RBFOX1: variants seen among roughly 807,000 people sequenced by gnomAD.
The protein encoded by RBFOX1 is RNA binding protein fox-1 homolog 1.
In RBFOX1, 8 loss-of-function variants were observed where a neutral mutation model predicts 57.7. The observed-to-expected ratio is 0.14, with a 90% CI of 0.08 to 0.25. The LOEUF (loss-of-function observed/expected upper bound fraction) is 0.25. RBFOX1 is among the 10% of genes least tolerant of loss of function. The pLI is 1.00. For missense variants in RBFOX1, 611 were observed against 548.5 expected, an observed-to-expected ratio of 1.11 and a Z score of -1.14; for synonymous variants, 326 against 222.4, an observed-to-expected ratio of 1.47 and a Z score of -4.15.
chr16:7,175,674 G>A (rs755796782), intron 4 of RBFOX1, among the ~76,000 whole-genome samples: 1 of 152,202 alleles, frequency 6.6e-6, no homozygotes, highest in Non-Finnish European at 1.5e-5. Context: ...TGAAAGCCAC[G>A]TGTTACCCTG....
intron 3 of RBFOX1, among the ~76,000 whole-genome samples, chr16:6,940,457 G>A (rs997143140): frequency 2.0e-5 from 3 of 152,308 alleles, no homozygotes; most frequent in African/African-American, 4.8e-5. Flanking sequence ...AAAAACTGAC[G>A]AGTGAGTGAT....
At chr16:5,481,807 TTGTAGATGATCTGCCTTCTGACCG>T (rs1166822432) in intron 2 of RBFOX1, among the ~76,000 whole-genome samples, 2 of 152,178 alleles carry the variant, frequency 1.3e-5, no homozygotes, top group African/African-American at 4.8e-5. Context: ...TCTCTGTGGC[TTGTAGATGATCTGCCTTCTGACCG>T]TGTCTCCACA....
At chr16:5,263,018 T>G (rs1159868401) in intron 1 of RBFOX1, among the ~76,000 whole-genome samples, 1 of 151,554 alleles carries the variant, frequency 6.6e-6, no homozygotes. Flanking sequence ...GGGAGATCAT[T>G]ACAAATCTTT....
At chr16:7,067,308 C>A (rs1316852243) in intron 4 of RBFOX1, among the ~76,000 whole-genome samples, 1 of 151,576 alleles carries the variant, frequency 6.6e-6, no homozygotes, top group African/African-American at 2.4e-5. Flanking sequence ...CAAATTACCA[C>A]AAAAAAAATA....
intron 3 of RBFOX1, among the ~76,000 whole-genome samples, chr16:6,760,176 G>C (rs2076405436): frequency 1.3e-5 from 2 of 152,212 alleles, no homozygotes; most frequent in Admixed American, 6.5e-5. Flanking sequence ...GCATCGCTAT[G>C]TTTGACTCCT....
At chr16:7,704,844 A>G (rs1468593763) in intron 14 of RBFOX1, among the ~76,000 whole-genome samples, 2 of 151,956 alleles carry the variant, frequency 1.3e-5, no homozygotes, top group Non-Finnish European at 2.9e-5. Flanking sequence ...TGAGGTTATG[A>G]GTTTGAGACC....
At chr16:5,851,860 C>T (rs1486151978) in intron 3 of RBFOX1, among the ~76,000 whole-genome samples, 2 of 152,122 alleles carry the variant, frequency 1.3e-5, no homozygotes, top group African/African-American at 2.4e-5. Context: ...AAAGGAAGGA[C>T]GATGTCTTGG....
At chr16:7,232,669 C>A (rs1035091846) in intron 4 of RBFOX1, among the ~76,000 whole-genome samples, 1 of 151,940 alleles carries the variant, frequency 6.6e-6, no homozygotes, top group East Asian at 1.9e-4. Context: ...TGGAGAAACC[C>A]TGTCTCTACT....
intron 4 of RBFOX1, among the ~76,000 whole-genome samples, chr16:7,441,406 A>G (rs940822822): frequency 1.3e-5 from 2 of 152,176 alleles, no homozygotes; most frequent in African/African-American, 4.8e-5. Flanking sequence ...GCTCTGAGAG[A>G]TGATGTTGCC....
At chr16:6,152,300 C>T (rs201921354) in intron 1 of RBFOX1, among the ~76,000 whole-genome samples, 1 of 152,254 alleles carries the variant, frequency 6.6e-6, no homozygotes, top group East Asian at 1.9e-4. Flanking sequence ...ATTCCTCCCA[C>T]CCCCTCATCT....
intron 4 of RBFOX1, among the ~76,000 whole-genome samples, chr16:7,460,393 G>A (rs56274507): frequency 0.45 from 28,335 of 63,072 alleles, 5,644 homozygotes; most frequent in Non-Finnish European, 0.54. Context: ...ATATATATGT[G>A]TGTGTGTGTG....
chr16:6,302,717 C>T (rs1359685922), intron 1 of RBFOX1, among the ~76,000 whole-genome samples: 4 of 152,170 alleles, frequency 2.6e-5, no homozygotes, highest in Admixed American at 2.6e-4. Flanking sequence ...TAATCTCTTT[C>T]TTGTGCAAAC....
chr16:6,004,242 C>G (rs2060653871), intron 4 of RBFOX1, among the ~76,000 whole-genome samples: 1 of 152,148 alleles, frequency 6.6e-6, no homozygotes, highest in Non-Finnish European at 1.5e-5. Flanking sequence ...TGCTCTACAG[C>G]CTGACTACCT....
intron 2 of RBFOX1, among the ~76,000 whole-genome samples, chr16:6,450,099 G>A (rs921566469): frequency 5.3e-5 from 8 of 152,186 alleles, no homozygotes; most frequent in Non-Finnish European, 8.8e-5. Flanking sequence ...TGAGGAGGTG[G>A]TGGGGATATG....
At chr16:6,865,083 A>G (rs1448103368) in intron 3 of RBFOX1, among the ~76,000 whole-genome samples, 1 of 138,054 alleles carries the variant, frequency 7.2e-6, no homozygotes, top group Non-Finnish European at 1.5e-5. Flanking sequence ...GCTCACTGCA[A>G]CCTCCGCCTC....
chr16:5,435,521 G>A (rs1302407078), intron 1 of RBFOX1, among the ~76,000 whole-genome samples: 1 of 152,218 alleles, frequency 6.6e-6, no homozygotes, highest in East Asian at 1.9e-4. Context: ...ATGGGTCAGT[G>A]TCTTCAGTAA....
intron 10 of RBFOX1, among the ~76,000 whole-genome samples, chr16:7,621,571 A>G (rs2059326907): frequency 6.6e-6 from 1 of 152,134 alleles, no homozygotes; most frequent in Admixed American, 6.5e-5. Flanking sequence ...TAATTGTTTT[A>G]TTGTTTTGAA....
intron 3 of RBFOX1, among the ~76,000 whole-genome samples, chr16:5,741,949 G>T (rs1462133740): frequency 6.6e-6 from 1 of 152,204 alleles, no homozygotes; most frequent in African/African-American, 2.4e-5. Flanking sequence ...CGGGAATCAT[G>T]ATAATGCTAT....
At chr16:6,540,913 C>T (rs915411364) in intron 2 of RBFOX1, among the ~76,000 whole-genome samples, 1 of 152,096 alleles carries the variant, frequency 6.6e-6, no homozygotes, top group Non-Finnish European at 1.5e-5. Context: ...TCTCTGACTT[C>T]TTGGAGTTGA....
Sources: gnomAD v4.1 joint callset for allele counts (sites outside exome capture counted in the v4.1 genomes callset) on GRCh38, gnomAD v4.1.1 for gene constraint, MANE v1.5 for transcripts, NCBI Gene and HGNC (gene_info 2026-07-23, HGNC 2026-07-21) for gene names.